NCOA1: variants seen among roughly 807,000 people sequenced by gnomAD.
NCOA1 encodes nuclear receptor coactivator 1, also known as Hin-2 protein.
In NCOA1, 35 loss-of-function variants were observed where a neutral mutation model predicts 150.9. The ratio of observed to expected loss-of-function variants is 0.23; its 90% CI spans 0.18 to 0.31. NCOA1 has a LOEUF of 0.31. Among genes scored for constraint, NCOA1 ranks in the 10% least tolerant of loss-of-function variants. The pLI, the probability that NCOA1 is intolerant of heterozygous loss-of-function variation, is 1.00. For synonymous variants in NCOA1, 590 were observed against 630.0 expected (o/e 0.94, Z 0.95); for missense variants, 1,491 against 1,749.3 (o/e 0.85, Z 2.63).
At position 24,707,586 on chromosome 2, in the gene NCOA1, T is replaced by C; in HGVS notation, c.2116T>C (p.Ser706Pro). ...EGSPSDITTL[S>P]VEPDKKDSAS... is the part of the protein sequence containing the mutation. Reference sequence around the variant, plus strand: ...TAGCCCCTCAGATATCACCACTTTGTCTGTCGAGCCTGATAAAAAGGACAG... The same window carrying C: ...TAGCCCCTCAGATATCACCACTTTGCCTGTCGAGCCTGATAAAAAGGACAG... The change falls in exon 13 of 23, where the codon TCT becomes CCT. Residue 706 changes from serine to proline, a missense_variant. Physicochemically the swap from Ser to Pro is moderately conservative, Grantham distance 74. This residue lies in a region of NCOA1 where 703 missense variants were observed against 717.7 expected (regional missense o/e 0.98). Coordinates refer to ENST00000348332, the MANE Select transcript of NCOA1 (RefSeq NM_003743.5). 6.2e-7 allele frequency: 1 copy of C among 1,614,188 alleles called. No homozygotes were observed.
rs552496668 is a variant in NCOA1 at position 24,635,838 on chromosome 2, T to A, written c.-174-8128T>A. Among the ~76,000 whole-genome samples the A allele has an allele frequency of 2.6e-5, 4 of 152,274 alleles. No homozygotes were observed. The East Asian group carries it at 7.7e-4, about 29-fold the overall frequency. Reference sequence around the variant, plus strand: ...CAATATGAAGAGCTGGAAGTTTAAGTTTCTTTGAGTTTTTGAAGTATGAGT... The same window carrying A: ...CAATATGAAGAGCTGGAAGTTTAAGATTCTTTGAGTTTTTGAAGTATGAGT... On this transcript the variant is annotated intron_variant, in intron 3 of 22. Transcript: ENST00000348332.
rs915054640 is a variant in NCOA1 at position 24,588,956 on chromosome 2, G to A, written c.-175+4396G>A. On this transcript the variant is annotated intron_variant, in intron 3 of 22. Transcript: ENST00000348332. ...GATGAACCCTGGTCACTGGATGGCC[G>A]GAAGAAGAGTACCAGACTTACTCCC... Among the ~76,000 whole-genome samples the A allele has an allele frequency of 1.4e-4, 22 of 152,170 alleles. No individual in the cohort carries two copies. The South Asian group carries it at 1.9e-3, about 13-fold the overall frequency.
In NCOA1 at chr2:24,693,345, C is replaced by A. The variant is rs1177338845; in HGVS notation, c.806C>A (p.Thr269Lys). The A allele has an allele frequency of 6.2e-7, 1 of 1,612,122 alleles. No homozygotes were observed. ...VESFMTKQDT[T>K]GKIISIDTSS... ...TCCTTTATGACCAAGCAAGATACTA[C>A]AGGTACTAATTGTAAAGTTCAGAAT... The change falls in exon 10 of 23, where the codon ACA becomes AAA. Residue 269 changes from threonine to lysine, a missense_variant and splice_region_variant. This residue lies in a region of NCOA1 where 99 missense variants were observed against 122.8 expected (regional missense o/e 0.81). Coordinates refer to ENST00000348332, the MANE Select transcript of NCOA1 (RefSeq NM_003743.5).
chr2:24,683,725 C>T (rs1436615454), intron 8 of NCOA1, among the ~76,000 whole-genome samples: 1 of 152,064 alleles, frequency 6.6e-6, no homozygotes, highest in Non-Finnish European at 1.5e-5. Context: ...TAACAGCAAG[C>T]CTTTGTTTAC....
At chr2:24,737,110 TC>T (rs1663351124) in intron 17 of NCOA1, among the ~76,000 whole-genome samples, 1 of 152,170 alleles carries the variant, frequency 6.6e-6, no homozygotes, top group Non-Finnish European at 1.5e-5. Flanking sequence ...TAACAACTAA[TC>T]TCCTCCCACT....
intron 3 of NCOA1, among the ~76,000 whole-genome samples, chr2:24,598,635 A>G (rs972684710): frequency 1.3e-5 from 2 of 152,214 alleles, no homozygotes; most frequent in Admixed American, 6.5e-5. Flanking sequence ...AGAAACTGGC[A>G]AAGAGCGTTG....
In NCOA1 at chr2:24,608,246, C is replaced by CTATTATTATTAT. The variant is rs202179395; in HGVS notation, c.-175+23727_-175+23738dup. ...CCCATATACTCCTCACCCAGTTCCC[C>CTATTATTATTAT]TATTATTATTATTATTATTATTATT... On this transcript the variant is annotated intron_variant, in intron 3 of 22. Transcript: ENST00000348332. 6.7e-4 allele frequency among the ~76,000 whole-genome samples: 88 copies of CTATTATTATTAT among 131,862 alleles called. 2 individuals carry two copies. Among genetic ancestry groups the CTATTATTATTAT allele is most frequent in the East Asian group, 2.4e-3 (11 of 4,568 alleles). The allele number at this position is 131,862 out of a possible 152,430, so 86.5% of individuals were successfully genotyped here.
intron 8 of NCOA1, 60 bp from the exon 9 acceptor site, chr2:24,691,421 C>T (rs1205337544): frequency 6.6e-7 from 1 of 1,506,120 alleles, no homozygotes; most frequent in East Asian, 2.3e-5. Flanking sequence ...TCTTTTGTAT[C>T]TTCAGAGTTT....
At chr2:24,745,532 A>G (rs569108992) in intron 19 of NCOA1, among the ~76,000 whole-genome samples, 8 of 152,274 alleles carry the variant, frequency 5.3e-5, no homozygotes, top group Admixed American at 6.5e-5. Flanking sequence ...GTATCTGCCC[A>G]CTTCATGGGT....
At chr2:24,637,518 A>G (rs1015527862) in intron 3 of NCOA1, among the ~76,000 whole-genome samples, 1 of 151,964 alleles carries the variant, frequency 6.6e-6, no homozygotes, top group Non-Finnish European at 1.5e-5. Flanking sequence ...GCCATAAAAA[A>G]TGATGAGTTC....
chr2:24,683,167 C>T, intron 8 of NCOA1, 39 bp downstream of exon 8: 1 of 1,314,770 alleles, frequency 7.6e-7, no homozygotes, highest in Non-Finnish European at 1.0e-6. Context: ...TACTAGCTCT[C>T]TGTATCTTCT....
chr2:24,541,335 AAGTAATGG>A (rs1332294080), intron 1 of NCOA1, among the ~76,000 whole-genome samples: 1 of 152,294 alleles, frequency 6.6e-6, no homozygotes, highest in East Asian at 1.9e-4. Context: ...GAAACCAGAG[AAGTAATGG>A]AGTGGTCAGC....
At chr2:24,565,185 A>G (rs1056079497) in intron 2 of NCOA1, among the ~76,000 whole-genome samples, 3 of 152,272 alleles carry the variant, frequency 2.0e-5, no homozygotes, top group African/African-American at 7.2e-5. Context: ...GACAAATAAA[A>G]CAAAAAAGAT....
At chr2:24,644,994 C>A (rs990037190) in intron 4 of NCOA1, among the ~76,000 whole-genome samples, 3 of 151,980 alleles carry the variant, frequency 2.0e-5, no homozygotes, top group Non-Finnish European at 2.9e-5. Context: ...ACCTGTCAAC[C>A]TAGAGTGTGG....
intron 1 of NCOA1, among the ~76,000 whole-genome samples, chr2:24,537,664 C>A (rs1008904715): frequency 1.3e-5 from 2 of 151,926 alleles, no homozygotes; most frequent in Non-Finnish European, 2.9e-5. Context: ...ATCTGATGAA[C>A]AACGCAAAGA....
chr2:24,576,149 G>GTT lies in NCOA1; in HGVS notation c.-259-8315_-259-8314dup, dbSNP rs1183405187. On this transcript the variant is annotated intron_variant, in intron 2 of 22. Transcript: ENST00000348332. The stretch of plus-strand genomic sequence containing the variant: ...GAGTTTCAGAAATTATTTGGCCTTT[G>GTT]TTTTTTTTTTTTTGTTTTTTGTTTT... 2.6e-3 allele frequency among the ~76,000 whole-genome samples: 244 copies of GTT among 93,946 alleles called. 13 individuals are homozygous for GTT. The highest frequency in any genetic ancestry group is 3.5e-3 in the Non-Finnish European group (169 of 48,830). 61.6% of individuals were successfully genotyped at this position (93,946 alleles called of 152,430 possible).
chr2:24,630,718 G>A lies in NCOA1; in HGVS notation c.-174-13248G>A, dbSNP rs543065985. Among the ~76,000 whole-genome samples the A allele has an allele frequency of 4.3e-4, 66 of 152,208 alleles. 1 individual carries two copies. In the South Asian group the frequency reaches 0.013, roughly 30 times the overall value. On this transcript the variant is annotated intron_variant, in intron 3 of 22. Transcript: ENST00000348332. Reference sequence around the variant, plus strand: ...TAAGTCACCTAAAAAATTATGTGAAGAAATGAGTTCTTTTCTGGAGAGAGA... The same window carrying A: ...TAAGTCACCTAAAAAATTATGTGAAAAAATGAGTTCTTTTCTGGAGAGAGA...
intron 3 of NCOA1, among the ~76,000 whole-genome samples, chr2:24,623,816 C>T (rs1481756429): frequency 2.0e-5 from 3 of 152,174 alleles, no homozygotes; most frequent in Non-Finnish European, 4.4e-5. Flanking sequence ...CCTATAAGGA[C>T]ACCAGTCTTA....
intron 1 of NCOA1, among the ~76,000 whole-genome samples, chr2:24,532,875 T>G (rs1445546301): frequency 6.6e-6 from 1 of 152,214 alleles, no homozygotes; most frequent in Non-Finnish European, 1.5e-5. Context: ...ATAGTTGAAG[T>G]CAGGTAGCAT....
Sources: gnomAD v4.1 joint callset for allele counts (sites outside exome capture counted in the v4.1 genomes callset) on GRCh38, gnomAD v4.1.1 for gene constraint, gnomAD v4.1.1 regional missense constraint, MANE v1.5 for transcripts, NCBI Gene and HGNC (gene_info 2026-07-23, HGNC 2026-07-21) for gene names.